Variants in GSE1 observed in about 807,000 individuals in gnomAD.
GSE1 encodes the protein Gse1 coiled-coil protein, also known as genetic suppressor element 1.
A neutral mutation model predicts 112.6 loss-of-function variants in GSE1; 32 were observed. The ratio of observed to expected loss-of-function variants is 0.28; its 90% CI spans 0.21 to 0.38. The LOEUF (loss-of-function observed/expected upper bound fraction) is 0.38, where lower values mean the gene tolerates loss of function less well. GSE1 is among the 10% of genes least tolerant of loss of function. The pLI, the probability that GSE1 is intolerant of heterozygous loss-of-function variation, is 1.00. For synonymous variants in GSE1, 1,115 were observed against 735.6 expected, an observed-to-expected ratio of 1.52 and a Z score of -8.35; for missense variants, 2,348 against 1,699.2, an observed-to-expected ratio of 1.38 and a Z score of -6.71.
intron 1 of GSE1, among the ~76,000 whole-genome samples, chr16:85,272,870 A>G (rs561805897): frequency 1.3e-5 from 2 of 148,308 alleles, no homozygotes; most frequent in South Asian, 2.1e-4. Flanking sequence ...TCTGTCTCCC[A>G]GGTTCAAGTA....
At chr16:85,653,126 G>A (rs1446947057) in intron 3 of GSE1, among the ~76,000 whole-genome samples, 16 of 140,444 alleles carry the variant, frequency 1.1e-4, no homozygotes, top group African/African-American at 4.0e-4. Context: ...TGACGCCTGG[G>A]TTGGCAGCCA....
intron 1 of GSE1, among the ~76,000 whole-genome samples, chr16:85,614,507 G>A (rs759476319): frequency 3.9e-5 from 6 of 152,168 alleles, no homozygotes; most frequent in Admixed American, 6.5e-5. Context: ...CATAGGGAGG[G>A]GGTTCCCAGA....
chr16:85,590,001 T>G (rs2046912921), intron 1 of GSE1, among the ~76,000 whole-genome samples: 2 of 151,980 alleles, frequency 1.3e-5, no homozygotes, highest in Admixed American at 1.3e-4. Context: ...AATGTGAGAC[T>G]GTGTGACCTG....
chr16:85,549,940 C>T (rs1244745176), intron 2 of GSE1, among the ~76,000 whole-genome samples: 3 of 152,184 alleles, frequency 2.0e-5, no homozygotes, highest in Non-Finnish European at 4.4e-5. Context: ...CGTAGGAAAG[C>T]AGGCATTGTG....
At chr16:85,360,865 A>G (rs1013251321) in intron 2 of GSE1, among the ~76,000 whole-genome samples, 3 of 151,790 alleles carry the variant, frequency 2.0e-5, no homozygotes, top group African/African-American at 7.3e-5. Flanking sequence ...ACACACACAC[A>G]CCTGCATAGA....
chr16:85,252,461 G>A (rs1906594434), intron 1 of GSE1, among the ~76,000 whole-genome samples: 3 of 152,236 alleles, frequency 2.0e-5, no homozygotes, highest in South Asian at 2.1e-4. Flanking sequence ...GACAACCCCC[G>A]GTCCCCATCT....
At position 85,617,608 on chromosome 16, in the gene GSE1, CCCCG is replaced by C. The variant is rs1567658793; in HGVS notation, c.7+4211_7+4214del. 5.2e-5 allele frequency among the ~76,000 whole-genome samples: 6 copies of C among 115,382 alleles called. 1 individual carries two copies. The highest frequency in any genetic ancestry group is 1.6e-4 in the African/African-American group (5 of 32,130). 75.7% of individuals were successfully genotyped at this position (115,382 alleles called of 152,430 possible). On this transcript the variant is annotated intron_variant, in intron 1 of 15. Coordinates refer to ENST00000253458, the MANE Select transcript of GSE1 (RefSeq NM_014615.5). The stretch of plus-strand genomic sequence containing the variant: ...CGTGTGTCAACCCTCCCCCCCCCCC[CCCCG>C]TTAACTGCCACGTGCAGCCCAAGCT...
At chr16:85,433,191 C>T (rs981318639) in intron 2 of GSE1, among the ~76,000 whole-genome samples, 4 of 152,046 alleles carry the variant, frequency 2.6e-5, no homozygotes, top group African/African-American at 9.7e-5. Flanking sequence ...GGGTTCAACA[C>T]TGGCCCCAGA....
intron 3 of GSE1, among the ~76,000 whole-genome samples, chr16:85,652,866 G>C (rs771780915): frequency 5.9e-5 from 9 of 152,028 alleles, no homozygotes; most frequent in African/African-American, 2.2e-4. Context: ...TTGGCATTTC[G>C]TGGCTCAGGG....
At chr16:85,536,190 T>C (rs1598100361) in intron 2 of GSE1, among the ~76,000 whole-genome samples, 2 of 152,194 alleles carry the variant, frequency 1.3e-5, no homozygotes, top group East Asian at 3.9e-4. Flanking sequence ...AAGGCTTCTG[T>C]GGTTGAAGGC....
chr16:85,176,087 C>G (rs1315517118), intron 1 of GSE1, among the ~76,000 whole-genome samples: 1 of 152,178 alleles, frequency 6.6e-6, no homozygotes, highest in Non-Finnish European at 1.5e-5. Context: ...CTCCTGAGCT[C>G]AAGCAAACCT....
At chr16:85,357,540 C>A in exon 2 of GSE1, 1 of 1,284,660 alleles carries the variant, frequency 7.8e-7, no homozygotes, top group African/African-American at 1.5e-5. Context: ...CACGCGCCCC[C>A]ACGGAGACCC....
At chr16:85,363,158 A>G (rs771002832) in intron 2 of GSE1, among the ~76,000 whole-genome samples, 1 of 152,200 alleles carries the variant, frequency 6.6e-6, no homozygotes, top group African/African-American at 2.4e-5. Flanking sequence ...TAATACAGAT[A>G]GCAGATGCCA....
At chr16:85,473,276 AG>A (rs1023547937) in intron 2 of GSE1, among the ~76,000 whole-genome samples, 2 of 152,250 alleles carry the variant, frequency 1.3e-5, no homozygotes, top group African/African-American at 4.8e-5. Flanking sequence ...AAAAGTGATG[AG>A]TGGAAAGGTG....
chr16:85,598,189 T>TTTC (rs1354873506), intron 1 of GSE1, among the ~76,000 whole-genome samples: 3 of 144,306 alleles, frequency 2.1e-5, no homozygotes, highest in Admixed American at 6.8e-5. Flanking sequence ...TTTTTTTTTT[T>TTTC]TTCACTTTCT....
chr16:85,661,433 C>G lies in GSE1; in HGVS notation c.1928C>G (p.Pro643Arg), dbSNP rs1268370071. The change falls in exon 9 of 16, where the codon CCT becomes CGT. Residue 643 changes from proline (P) to arginine (R), a missense_variant. Pro to Arg is a moderately radical substitution (Grantham distance 103). Transcript: ENST00000253458. ...KAEEGPRKREPAPLDKYQPPP... is the reference protein window; with the variant it reads ...KAEEGPRKRERAPLDKYQPPP... ...GAGGAGGGGCCACGGAAGCGTGAGC[C>G]TGCCCCTCTGGACAAGTACCAGCCA... is the stretch of plus-strand genomic sequence containing the variant. 1.2e-6 allele frequency: 2 copies of G among 1,611,988 alleles called. No homozygotes were observed. The highest frequency in any genetic ancestry group is 1.3e-5 in the African/African-American group (1 of 74,952).
At chr16:85,186,380 G>T (rs2074702334) in intron 1 of GSE1, among the ~76,000 whole-genome samples, 1 of 152,068 alleles carries the variant, frequency 6.6e-6, no homozygotes, top group Non-Finnish European at 1.5e-5. Flanking sequence ...CGAGGCAGGT[G>T]GATCATGAGG....
intron 1 of GSE1, among the ~76,000 whole-genome samples, chr16:85,240,699 G>A (rs141742099): frequency 6.6e-6 from 1 of 152,194 alleles, no homozygotes; most frequent in Admixed American, 6.5e-5. Flanking sequence ...GCCACTGTTG[G>A]CATGCTGCCC....
chr16:85,173,814 G>T (rs2074407022), intron 1 of GSE1, among the ~76,000 whole-genome samples: 1 of 152,200 alleles, frequency 6.6e-6, no homozygotes, highest in Non-Finnish European at 1.5e-5. Flanking sequence ...TGGTGTGGAC[G>T]GGAACGCAGG....
Sources: gnomAD v4.1 joint callset for allele counts (sites outside exome capture counted in the v4.1 genomes callset) on GRCh38, gnomAD v4.1.1 for gene constraint, MANE v1.5 for transcripts, NCBI Gene and HGNC (gene_info 2026-07-23, HGNC 2026-07-21) for gene names.